The following GRIA4 variants were observed in gnomAD, a reference collection of about 807,000 sequenced individuals.
GRIA4 encodes the protein glutamate ionotropic receptor AMPA type subunit 4.
GRIA4 carries 34 observed loss-of-function variants against 104.0 expected under a neutral mutation model. The observed-to-expected ratio is 0.33, with a 90% CI of 0.25 to 0.44. The LOEUF (loss-of-function observed/expected upper bound fraction) is 0.44. Among genes scored for constraint, GRIA4 ranks in the 20% least tolerant of loss-of-function variants. GRIA4 has a pLI of 1.00. For synonymous variants in GRIA4, 386 were observed against 381.9 expected (o/e 1.01, Z -0.13); for missense variants, 750 against 1,096.5 (o/e 0.68, Z 4.46).
intron 3 of GRIA4, among the ~76,000 whole-genome samples, chr11:105,667,388 T>C (rs1452736859): frequency 1.3e-5 from 2 of 151,956 alleles, no homozygotes; most frequent in South Asian, 4.2e-4. Context: ...GCCTAATCCA[T>C]TTCATTTGAG....
intron 4 of GRIA4, among the ~76,000 whole-genome samples, chr11:105,764,282 G>A (rs760169681): frequency 1.3e-4 from 19 of 151,974 alleles, no homozygotes; most frequent in Admixed American, 7.2e-4. Context: ...GACTACAGGC[G>A]CCCACTACCA....
chr11:105,915,755 A>G (rs1217859759), intron 10 of GRIA4, among the ~76,000 whole-genome samples: 9 of 152,228 alleles, frequency 5.9e-5, no homozygotes, highest in African/African-American at 2.2e-4. Context: ...TGAAATCTCA[A>G]TTAATGATAT....
intron 3 of GRIA4, among the ~76,000 whole-genome samples, chr11:105,639,409 T>A (rs1372642354): frequency 6.6e-6 from 1 of 152,066 alleles, no homozygotes; most frequent in African/African-American, 2.4e-5. Flanking sequence ...TCTTGCCATA[T>A]GAAGATCTCA....
chr11:105,689,366 G>A (rs1953005998), intron 3 of GRIA4, among the ~76,000 whole-genome samples: 1 of 152,182 alleles, frequency 6.6e-6, no homozygotes, highest in South Asian at 2.1e-4. Context: ...TTAAGGCTTT[G>A]TGCCTTAGTG....
At chr11:105,840,725 A>G (rs1944361975) in intron 4 of GRIA4, among the ~76,000 whole-genome samples, 2 of 152,352 alleles carry the variant, frequency 1.3e-5, no homozygotes, top group Admixed American at 1.3e-4. Context: ...TTAAAATAGT[A>G]CAAACATCTC....
rs780992125 is a variant in GRIA4, at chr11:105,862,008, T to C, written c.488-16T>C. Reference sequence around the variant, plus strand: ...AGTAAAAGCATGTTTTTAGTAACTTTTTTTTTCCCCAATAGGATACTCGAT... The same window carrying C: ...AGTAAAAGCATGTTTTTAGTAACTTCTTTTTTCCCCAATAGGATACTCGAT... On this transcript the variant is annotated splice_polypyrimidine_tract_variant and intron_variant, in intron 4 of 16. Coordinates refer to ENST00000282499, the MANE Select transcript of GRIA4 (RefSeq NM_000829.4). 6.4e-7 allele frequency: 1 copy of C among 1,572,412 alleles called. No homozygotes were observed. Among genetic ancestry groups the C allele is most frequent in the Non-Finnish European group, 8.7e-7 (1 of 1,148,446 alleles).
intron 3 of GRIA4, among the ~76,000 whole-genome samples, chr11:105,662,624 T>C (rs1415746884): frequency 1.3e-5 from 2 of 151,982 alleles, no homozygotes; most frequent in African/African-American, 2.4e-5. Flanking sequence ...AAAATGGTTT[T>C]ACTTCTTTAC....
intron 8 of GRIA4, among the ~76,000 whole-genome samples, 173 bp downstream of exon 8, chr11:105,904,154 G>A (rs1188720793): frequency 6.6e-6 from 1 of 152,138 alleles, no homozygotes; most frequent in African/African-American, 2.4e-5. Context: ...GAATCTTGCT[G>A]TTTACATTTT....
At chr11:105,706,279 C>G (rs1269852600) in intron 3 of GRIA4, 3 of 152,354 alleles carry the variant, frequency 2.0e-5, no homozygotes, top group Non-Finnish European at 4.4e-5. Flanking sequence ...CTGTGCATGT[C>G]TTGCTGCTGC....
intron 4 of GRIA4, among the ~76,000 whole-genome samples, chr11:105,828,080 C>A (rs1251514915): frequency 1.3e-5 from 2 of 151,880 alleles, no homozygotes; most frequent in East Asian, 3.9e-4. Context: ...AAGATAGGTC[C>A]ACAAGATCTT....
At chr11:105,777,947 C>G (rs1167152034) in intron 4 of GRIA4, among the ~76,000 whole-genome samples, 1 of 152,168 alleles carries the variant, frequency 6.6e-6, no homozygotes, top group African/African-American at 2.4e-5. Context: ...CCGGGCCAGA[C>G]AGTAGGACCT....
At chr11:105,641,161 A>G (rs1591485972) in intron 3 of GRIA4, among the ~76,000 whole-genome samples, 1 of 152,156 alleles carries the variant, frequency 6.6e-6, no homozygotes, top group East Asian at 1.9e-4. Flanking sequence ...TTTTAGATCT[A>G]GAATTTATAT....
intron 4 of GRIA4, among the ~76,000 whole-genome samples, chr11:105,773,411 T>C (rs1365264759): frequency 2.0e-5 from 3 of 152,256 alleles, no homozygotes; most frequent in East Asian, 3.9e-4. Flanking sequence ...AATAACTGAA[T>C]TCATAATTAA....
rs1951065467 is a variant in GRIA4, at chr11:105,632,684, A to G, written c.247+20250A>G. Among the ~76,000 whole-genome samples, 4 of 152,312 alleles carry G rather than the reference A, an allele frequency of 2.6e-5. 1 individual carries two copies. In the East Asian group the frequency reaches 7.7e-4, roughly 29 times the overall value. ...AAGCATTGTGGCTGACTATAATCCT[A>G]GTGCTTTGGGAAGCTGAGGCAGGCA... is the stretch of plus-strand genomic sequence containing the variant. On this transcript the variant is annotated intron_variant, in intron 3 of 16. Transcript: ENST00000282499.
intron 8 of GRIA4, among the ~76,000 whole-genome samples, 154 bp from the exon 9 acceptor site, chr11:105,905,043 C>T (rs899638551): frequency 2.0e-5 from 3 of 152,188 alleles, no homozygotes; most frequent in African/African-American, 7.2e-5. Flanking sequence ...ATTTCAGATG[C>T]TATCCCAATA....
chr11:105,880,171 G>GC (rs1945996227), intron 5 of GRIA4, among the ~76,000 whole-genome samples: 1 of 152,090 alleles, frequency 6.6e-6, no homozygotes, highest in Admixed American at 6.5e-5. Context: ...AATCACAAAT[G>GC]CCATACAATC....
In GRIA4 at chr11:105,676,171, G is replaced by A. The variant is rs561231629; in HGVS notation, c.247+63737G>A. On this transcript the variant is annotated intron_variant, in intron 3 of 16. Transcript: ENST00000282499. The stretch of plus-strand genomic sequence containing the variant: ...ATTGGAAAAACTAAGGAGTAGATTA[G>A]TGCTTACACTGCTGATGGATATATA... Among the ~76,000 whole-genome samples the A allele has an allele frequency of 1.3e-3, 196 of 151,818 alleles. 1 individual carries two copies. Among genetic ancestry groups the A allele is most frequent in the African/African-American group, 4.6e-3 (191 of 41,510 alleles).
chr11:105,668,726 G>A (rs991010100), intron 3 of GRIA4, among the ~76,000 whole-genome samples: 6 of 147,640 alleles, frequency 4.1e-5, no homozygotes, highest in South Asian at 2.2e-4. Flanking sequence ...CCAGGCTGGC[G>A]TGCAGTGGGC....
chr11:105,810,647 G>C (rs141072340), intron 4 of GRIA4, among the ~76,000 whole-genome samples: 1 of 152,256 alleles, frequency 6.6e-6, no homozygotes, highest in South Asian at 2.1e-4. Context: ...TCCATGAGGA[G>C]CTTTCTCAAA....
Sources: allele counts gnomAD v4.1 joint callset (sites outside exome capture counted in the v4.1 genomes callset), GRCh38; gene constraint gnomAD v4.1.1; transcripts MANE v1.5; gene names NCBI Gene and HGNC (gene_info 2026-07-23, HGNC 2026-07-21).